RB1: variants seen among roughly 807,000 people sequenced by gnomAD.
RB1 encodes the protein RB transcriptional corepressor 1.
Under a neutral mutation model 135.4 loss-of-function variants are expected in RB1, and 18 were observed. The ratio of observed to expected loss-of-function variants is 0.13; its 90% CI spans 0.09 to 0.20. The LOEUF (loss-of-function observed/expected upper bound fraction) is 0.20. RB1 is among the 10% of genes least tolerant of loss of function. The pLI, the probability that RB1 is intolerant of heterozygous loss-of-function variation, is 1.00. For missense variants in RB1, 868 were observed against 1,110.0 expected, an observed-to-expected ratio of 0.78 and a Z score of 3.10; for synonymous variants, 365 against 373.2, an observed-to-expected ratio of 0.98 and a Z score of 0.25.
Position 48,328,501 on chromosome 13 carries a change from C to A in RB1, c.265-14098C>A, listed in dbSNP as rs1003081617. 43 of 790,980 alleles carry A rather than the reference C, an allele frequency of 5.4e-5. No homozygotes were observed. In the Middle Eastern group the frequency reaches 1.8e-3, roughly 33 times the overall value. 49.0% of individuals were successfully genotyped at this position (790,980 alleles called of 1,614,324 possible). ...GGCTGGAACTTTCCTCTCCATTACTCCAGCAGCTCCAGCTCATTGCGACTT... is the reference window on the plus strand; with the variant it reads ...GGCTGGAACTTTCCTCTCCATTACTACAGCAGCTCCAGCTCATTGCGACTT... On this transcript the variant is annotated intron_variant, in intron 2 of 26. Transcript: ENST00000267163.
intron 20 of RB1, 133 bp downstream of exon 20, chr13:48,459,966 TCTCTCTTTC>T: frequency 2.3e-6 from 1 of 432,590 alleles, no homozygotes; most frequent in African/African-American, 4.2e-5. Flanking sequence ...TTTCTTTCTT[TCTCTCTTTC>T]TTTCTTTTTT....
chr13:48,465,722 AG>A (rs1368953007), intron 23 of RB1, among the ~76,000 whole-genome samples: 3 of 151,438 alleles, frequency 2.0e-5, no homozygotes, highest in Admixed American at 2.0e-4. Flanking sequence ...GAGCCGAAGC[AG>A]GGCGAGGCAT....
At chr13:48,414,066 G>A (rs891283607) in intron 17 of RB1, among the ~76,000 whole-genome samples, 2 of 151,808 alleles carry the variant, frequency 1.3e-5, no homozygotes, top group Non-Finnish European at 2.9e-5. Flanking sequence ...TCATATTTTG[G>A]GCCAGGTGCA....
At chr13:48,343,937 G>A (rs1311290132) in intron 3 of RB1, among the ~76,000 whole-genome samples, 5 of 152,238 alleles carry the variant, frequency 3.3e-5, no homozygotes, top group African/African-American at 1.2e-4. Flanking sequence ...ATTAGCTGAA[G>A]CTTTTATTTC....
At chr13:48,436,500 G>A (rs939630331) in intron 17 of RB1, among the ~76,000 whole-genome samples, 2 of 152,060 alleles carry the variant, frequency 1.3e-5, no homozygotes, top group Non-Finnish European at 2.9e-5. Context: ...AAAATTAGCT[G>A]AGTATGGTGG....
Position 48,381,227 on chromosome 13 carries a change from C to CT in RB1, c.1499-10dup, listed in dbSNP as rs148580581. 1,210 of 1,447,610 alleles carry CT rather than the reference C, an allele frequency of 8.4e-4. No individual in the cohort carries two copies. The highest frequency in any genetic ancestry group is 2.2e-3 in the Middle Eastern group (10 of 4,492). 89.7% of individuals were successfully genotyped at this position (1,447,610 alleles called of 1,614,324 possible). On this transcript the variant is annotated intron_variant, in intron 16 of 26. Transcript: ENST00000267163. ...AGGGTTAATATTTCATAAATAGTTACTTTTTTTTTTCATTTTTAGGAAGTA... is the reference window on the plus strand; with the variant it reads ...AGGGTTAATATTTCATAAATAGTTACTTTTTTTTTTTCATTTTTAGGAAGTA...
intron 17 of RB1, chr13:48,411,661 C>A (rs757425975): frequency 1.2e-6 from 2 of 1,610,744 alleles, no homozygotes; most frequent in African/African-American, 2.7e-5. Context: ...TGTGTTCTCA[C>A]AAGAGAATAT....
At chr13:48,459,540 T>C in intron 19 of RB1, 148 bp from the exon 20 acceptor site, 1 of 802,894 alleles carries the variant, frequency 1.2e-6, no homozygotes, top group African/African-American at 1.7e-5. Flanking sequence ...CATGTTTCTC[T>C]GGGGGAAAGA....
chr13:48,412,041 C>G (rs1413446424), intron 17 of RB1: 2 of 1,613,154 alleles, frequency 1.2e-6, no homozygotes, highest in African/African-American at 2.7e-5. Flanking sequence ...TCTTTTGGTT[C>G]TTAGAGTCTT....
At chr13:48,399,938 ACTCCTCCCC>A in intron 17 of RB1, among the ~76,000 whole-genome samples, 1 of 151,568 alleles carries the variant, frequency 6.6e-6, no homozygotes, top group Non-Finnish European at 1.5e-5. Context: ...TATTCATGTC[ACTCCTCCCC>A]ACCACACCAT....
At chr13:48,357,548 C>T (rs1263832702) in intron 6 of RB1, among the ~76,000 whole-genome samples, 1 of 151,984 alleles carries the variant, frequency 6.6e-6, no homozygotes, top group Non-Finnish European at 1.5e-5. Flanking sequence ...TTTAACCCTC[C>T]TGCTAACCCA....
intron 17 of RB1, among the ~76,000 whole-genome samples, chr13:48,418,100 T>C (rs1948944309): frequency 6.6e-6 from 1 of 151,864 alleles, no homozygotes; most frequent in Admixed American, 6.6e-5. Flanking sequence ...AAGGTTGAAA[T>C]GAAGGAAAAA....
chr13:48,396,402 T>A (rs1290482257), intron 17 of RB1, among the ~76,000 whole-genome samples: 1 of 152,204 alleles, frequency 6.6e-6, no homozygotes, highest in East Asian at 1.9e-4. Flanking sequence ...GGGGAAAGGA[T>A]TCCCTATTTA....
At chr13:48,313,421 G>A (rs1253171760) in intron 2 of RB1, among the ~76,000 whole-genome samples, 3 of 148,366 alleles carry the variant, frequency 2.0e-5, no homozygotes, top group African/African-American at 7.4e-5. Context: ...TTTTGATGTT[G>A]TATCTAAGAA....
At chr13:48,337,085 G>A (rs1273353013) in intron 2 of RB1, among the ~76,000 whole-genome samples, 1 of 152,130 alleles carries the variant, frequency 6.6e-6, no homozygotes, top group Non-Finnish European at 1.5e-5. Flanking sequence ...ATTTGCTGAG[G>A]AGAGCTTTAC....
chr13:48,425,617 C>T (rs1203885343), intron 17 of RB1, among the ~76,000 whole-genome samples: 2 of 151,918 alleles, frequency 1.3e-5, no homozygotes, highest in African/African-American at 4.8e-5. Context: ...ACTCAGGAGG[C>T]AGAGGTAGGA....
At chr13:48,457,592 C>T (rs1409544388) in intron 19 of RB1, among the ~76,000 whole-genome samples, 1 of 152,246 alleles carries the variant, frequency 6.6e-6, no homozygotes, top group Non-Finnish European at 1.5e-5. Flanking sequence ...TCATCCTCTA[C>T]TGCTCAGGAG....
chr13:48,400,173 ACT>A (rs917195986), intron 17 of RB1, among the ~76,000 whole-genome samples: 18 of 152,138 alleles, frequency 1.2e-4, no homozygotes, highest in African/African-American at 3.9e-4. Flanking sequence ...CATCAAAATA[ACT>A]CTCATTTATG....
chr13:48,440,772 TA>T (rs1233356840), intron 17 of RB1, among the ~76,000 whole-genome samples: 6 of 152,144 alleles, frequency 3.9e-5, no homozygotes, highest in African/African-American at 1.4e-4. Context: ...ACTTTTCATT[TA>T]AAAAATTAAT....
Sources: allele counts gnomAD v4.1 joint callset (sites outside exome capture counted in the v4.1 genomes callset), GRCh38; gene constraint gnomAD v4.1.1; transcripts MANE v1.5; gene names NCBI Gene and HGNC (gene_info 2026-07-23, HGNC 2026-07-21).